Variants in TMCO1 observed in about 807,000 individuals in gnomAD.
TMCO1 encodes the protein calcium load-activated calcium channel.
A neutral mutation model predicts 29.3 loss-of-function variants in TMCO1; 29 were observed. The ratio of observed to expected loss-of-function variants is 0.99; its 90% CI spans 0.74 to 1.35. The LOEUF (loss-of-function observed/expected upper bound fraction) is 1.35. TMCO1 is among the 40% of genes most tolerant of loss of function. The pLI is 0.00. For synonymous variants in TMCO1, 80 were observed against 77.1 expected (o/e 1.04, Z -0.20); for missense variants, 173 against 225.5 (o/e 0.77, Z 1.49).
intron 6 of TMCO1, among the ~76,000 whole-genome samples, chr1:165,734,933 A>G (rs546466128): frequency 6.6e-6 from 1 of 152,372 alleles, no homozygotes; most frequent in Non-Finnish European, 1.5e-5. Flanking sequence ...AATAGGGTAG[A>G]AAACGGAAGC....
intron 6 of TMCO1, among the ~76,000 whole-genome samples, chr1:165,731,149 T>G (rs1651148389): frequency 6.6e-6 from 1 of 152,160 alleles, no homozygotes; most frequent in South Asian, 2.1e-4. Context: ...TCCGCCTGTC[T>G]CAGCCTCCCA....
chr1:165,767,404 T>G (rs1652613115), intron 2 of TMCO1, among the ~76,000 whole-genome samples: 1 of 152,214 alleles, frequency 6.6e-6, no homozygotes, highest in South Asian at 2.1e-4. Context: ...TTCTTGTTTT[T>G]AATCTTTTCC....
intron 5 of TMCO1, among the ~76,000 whole-genome samples, chr1:165,750,084 G>A (rs1458952115): frequency 7.0e-6 from 1 of 143,872 alleles, no homozygotes; most frequent in Admixed American, 7.3e-5. Context: ...AAGTACTGAT[G>A]GCAATAATCT....
chr1:165,726,031 G>A (rs1384630338), downstream of TMCO1: 2 of 688,192 alleles, frequency 2.9e-6, no homozygotes, highest in African/African-American at 1.8e-5. Flanking sequence ...AAAGCCTCAG[G>A]GTATGAGTGA....
chr1:165,767,201 C>T (rs540003633), intron 2 of TMCO1, among the ~76,000 whole-genome samples: 40 of 151,846 alleles, frequency 2.6e-4, no homozygotes, highest in Non-Finnish European at 3.4e-4. Flanking sequence ...AAACTTCAAA[C>T]CCCTATGAAG....
intron 3 of TMCO1, among the ~76,000 whole-genome samples, chr1:165,755,459 T>C (rs1183340004): frequency 1.3e-5 from 2 of 152,156 alleles, no homozygotes; most frequent in Admixed American, 6.5e-5. Flanking sequence ...GGTAGGAGGA[T>C]TGCTTGAGTC....
rs1285775689 is a variant in TMCO1 at position 165,727,463 on chromosome 1, T to C, written c.*560A>G. The C allele has an allele frequency of 6.6e-6, 3 of 454,090 alleles. No individual in the cohort carries two copies. The East Asian group carries it at 2.1e-4, about 32-fold the overall frequency. The allele number at this position is 454,090 out of a possible 1,614,324, so 28.1% of individuals were successfully genotyped here. A position where few individuals can be genotyped will look rare whatever the true frequency, so the allele number is the denominator to read the frequency against. On this transcript the variant is annotated 3_prime_UTR_variant, in exon 7 of 7. Coordinates refer to ENST00000367881, the MANE Select transcript of TMCO1 (RefSeq NM_019026.6). ...AAAAGTACAGTACCTTAAAAACTTT[T>C]ATTTTAGTCCTTCCTGGCCCATGCT... is the stretch of plus-strand genomic sequence containing the variant.
In TMCO1 at chr1:165,752,252, A is replaced by T. The variant is rs72699929; in HGVS notation, c.256-83T>A. 0.084 allele frequency: 35,470 copies of T among 424,402 alleles called. 2,214 individuals carry two copies. Among genetic ancestry groups the T allele is most frequent in the East Asian group, 0.22 (2,687 of 12,056 alleles). 26.3% of individuals were successfully genotyped at this position (424,402 alleles called of 1,614,324 possible). The stretch of plus-strand genomic sequence containing the variant: ...ATCTCAAAAGTTTTGGTTTCATGTC[A>T]TTTTTTTTTTTTTTTTTTTTGAGGC... On this transcript the variant is annotated intron_variant, in intron 4 of 6. Coordinates refer to ENST00000367881, the MANE Select transcript of TMCO1 (RefSeq NM_019026.6).
intron 4 of TMCO1, 93 bp from the exon 5 acceptor site, chr1:165,752,262 T>A (rs1201847376): frequency 1.1e-5 from 11 of 1,004,854 alleles, no homozygotes; most frequent in Non-Finnish European, 1.7e-5. Context: ...ATTTTTTTTT[T>A]TTTTTTTTTT....
chr1:165,757,655 G>T, intron 3 of TMCO1, among the ~76,000 whole-genome samples: 1 of 152,118 alleles, frequency 6.6e-6, no homozygotes, highest in East Asian at 1.9e-4. Flanking sequence ...GCACCACCAC[G>T]CCTGGTTAAT....
chr1:165,763,099 C>G (rs1016470256), intron 2 of TMCO1, among the ~76,000 whole-genome samples: 1 of 152,114 alleles, frequency 6.6e-6, no homozygotes, highest in African/African-American at 2.4e-5. Flanking sequence ...AGGACCAGAT[C>G]AGCACAAGCA....
intron 2 of TMCO1, among the ~76,000 whole-genome samples, chr1:165,767,132 T>G (rs779557331): frequency 6.6e-5 from 10 of 152,224 alleles, no homozygotes; most frequent in Non-Finnish European, 1.0e-4. Context: ...GGAGGTAATA[T>G]TTATACGAGT....
At chr1:165,759,671 G>A in intron 2 of TMCO1, 87 bp from the exon 3 acceptor site, 1 of 1,190,994 alleles carries the variant, frequency 8.4e-7, no homozygotes, top group East Asian at 2.4e-5. Flanking sequence ...ACCAATGAAA[G>A]AAGCTTGCAA....
chr1:165,728,242 G>A (rs1650984587), intron 6 of TMCO1, 121 bp from the exon 7 acceptor site: 1 of 686,062 alleles, frequency 1.5e-6, no homozygotes, highest in Non-Finnish European at 2.5e-6. Flanking sequence ...ATTATGACCT[G>A]CAATAGGATG....
At chr1:165,752,819 G>T (rs1393388381) in intron 4 of TMCO1, among the ~76,000 whole-genome samples, 2 of 151,720 alleles carry the variant, frequency 1.3e-5, no homozygotes, top group Non-Finnish European at 2.9e-5. Context: ...GTACTCCTTA[G>T]CAAAAAGCTA....
At chr1:165,768,593 G>T in intron 1 of TMCO1, 89 bp downstream of exon 1, 6 of 1,606,040 alleles carry the variant, frequency 3.7e-6, no homozygotes, top group Non-Finnish European at 4.3e-6. Context: ...AGCAAGTAAG[G>T]CTCGCGATCT....
At chr1:165,753,876 T>C (rs1652088650) in intron 4 of TMCO1, among the ~76,000 whole-genome samples, 1 of 152,174 alleles carries the variant, frequency 6.6e-6, no homozygotes, top group Non-Finnish European at 1.5e-5. Flanking sequence ...TTCCAACTTC[T>C]ATACTGGAAT....
intron 6 of TMCO1, among the ~76,000 whole-genome samples, chr1:165,734,981 T>G: frequency 6.6e-6 from 1 of 152,148 alleles, no homozygotes; most frequent in Non-Finnish European, 1.5e-5. Context: ...TCTTATAAAG[T>G]GGAAATAAAA....
intron 6 of TMCO1, among the ~76,000 whole-genome samples, chr1:165,737,368 C>G (rs1651429252): frequency 6.6e-6 from 1 of 151,980 alleles, no homozygotes; most frequent in South Asian, 2.1e-4. Context: ...TTCAACATAG[C>G]TTCAGTGTCC....
Sources: gnomAD v4.1 joint callset for allele counts (sites outside exome capture counted in the v4.1 genomes callset) on GRCh38, gnomAD v4.1.1 for gene constraint, MANE v1.5 for transcripts, NCBI Gene and HGNC (gene_info 2026-07-23, HGNC 2026-07-21) for gene names.